The following DLC1 variants were observed in gnomAD, a reference collection of about 807,000 sequenced individuals.
DLC1 encodes DLC1 Rho GTPase activating protein, also known as rho GTPase-activating protein 7.
A neutral mutation model predicts 140.3 loss-of-function variants in DLC1; 54 were observed. The observed-to-expected ratio is 0.38, with a 90% confidence interval of 0.31 to 0.48. DLC1 has a LOEUF of 0.48. Ranked by LOEUF, DLC1 falls within the 20% of genes least tolerant of loss-of-function variation. The pLI, the probability that DLC1 is intolerant of heterozygous loss-of-function variation, is 0.96. For missense variants in DLC1, 2,536 were observed against 1,907.0 expected, an observed-to-expected ratio of 1.33 and a Z score of -6.14; for synonymous variants, 986 against 728.1, an observed-to-expected ratio of 1.35 and a Z score of -5.70.
intron 2 of DLC1, among the ~76,000 whole-genome samples, chr8:13,444,325 G>A (rs1322427776): frequency 2.0e-5 from 3 of 152,172 alleles, no homozygotes; most frequent in Non-Finnish European, 4.4e-5. Flanking sequence ...GGGAGGGATA[G>A]CATTAGGAGA....
At chr8:13,458,845 G>T (rs1799530964) in intron 2 of DLC1, among the ~76,000 whole-genome samples, 1 of 151,014 alleles carries the variant, frequency 6.6e-6, no homozygotes, top group Admixed American at 6.6e-5. Context: ...AAAAAAAGAT[G>T]CGCTTATGAC....
At chr8:13,378,494 C>T (rs894060326) in intron 4 of DLC1, among the ~76,000 whole-genome samples, 2 of 151,812 alleles carry the variant, frequency 1.3e-5, no homozygotes, top group East Asian at 1.9e-4. Context: ...CATTCTTGTG[C>T]ACTATAAATT....
chr8:13,371,860 A>C (rs1376857530), intron 4 of DLC1, among the ~76,000 whole-genome samples: 1 of 152,172 alleles, frequency 6.6e-6, no homozygotes, highest in Non-Finnish European at 1.5e-5. Flanking sequence ...GCACTCACTC[A>C]ATAATTATTG....
At chr8:13,409,802 G>A (rs941064709) in intron 2 of DLC1, among the ~76,000 whole-genome samples, 8 of 152,022 alleles carry the variant, frequency 5.3e-5, no homozygotes, top group Non-Finnish European at 4.4e-5. Flanking sequence ...TTTCAATAGC[G>A]GCAGATTGTC....
At chr8:13,122,082 C>T (rs1821129625) in intron 5 of DLC1, among the ~76,000 whole-genome samples, 1 of 152,204 alleles carries the variant, frequency 6.6e-6, no homozygotes, top group Non-Finnish European at 1.5e-5. Context: ...CCTCACCCCT[C>T]CCTGCCCCCA....
Position 13,575,412 on chromosome 8 carries a change from G to A in DLC1, c.-126+29125C>T, listed in dbSNP as rs117110134. Among the ~76,000 whole-genome samples, 747 of 152,120 alleles carry A rather than the reference G, an allele frequency of 4.9e-3. 6 individuals are homozygous for A. Among genetic ancestry groups the A allele is most frequent in the South Asian group, 0.014 (68 of 4,826 alleles). Reference sequence around the variant, plus strand: ...GGCTTGAAGGTGAGGAAAGAGACTAGCATGGCTTTTATTATAATTAGGGGG... The same window carrying A: ...GGCTTGAAGGTGAGGAAAGAGACTAACATGGCTTTTATTATAATTAGGGGG... On this transcript the variant is annotated intron_variant, in intron 1 of 1. Coordinates refer to the DLC1 transcript ENST00000631382.
At chr8:13,491,583 C>T (rs566356548) in intron 2 of DLC1, among the ~76,000 whole-genome samples, 7 of 152,296 alleles carry the variant, frequency 4.6e-5, no homozygotes, top group East Asian at 3.9e-4. Flanking sequence ...TAAGTATCTT[C>T]GGGATAACAT....
chr8:13,145,085 A>G (rs1823316728), intron 5 of DLC1, among the ~76,000 whole-genome samples: 1 of 152,198 alleles, frequency 6.6e-6, no homozygotes, highest in Non-Finnish European at 1.5e-5. Context: ...AAAGTACTAA[A>G]TATCTCATGA....
chr8:13,128,421 C>CT (rs1270422041), intron 5 of DLC1, among the ~76,000 whole-genome samples: 1 of 152,186 alleles, frequency 6.6e-6, no homozygotes, highest in East Asian at 1.9e-4. Context: ...TTCCTGCACT[C>CT]TAACATTACA....
intron 5 of DLC1, among the ~76,000 whole-genome samples, chr8:13,182,254 C>T (rs1286792934): frequency 6.6e-6 from 1 of 151,654 alleles, no homozygotes; most frequent in African/African-American, 2.4e-5. Context: ...CAAAAATTTT[C>T]TCTTATTCTG....
chr8:13,285,218 G>A (rs1586070673), intron 5 of DLC1, among the ~76,000 whole-genome samples: 2 of 152,144 alleles, frequency 1.3e-5, no homozygotes, highest in South Asian at 4.1e-4. Flanking sequence ...GATTCCAGAA[G>A]TAGATCCATA....
intron 5 of DLC1, among the ~76,000 whole-genome samples, chr8:13,240,125 G>A (rs572055794): frequency 5.9e-5 from 9 of 152,070 alleles, no homozygotes; most frequent in South Asian, 2.1e-4. Context: ...AAACTTCAGC[G>A]TACTGTGGAA....
At chr8:13,532,578 TTC>T (rs61307108) in intron 1 of DLC1, among the ~76,000 whole-genome samples, 25 of 149,532 alleles carry the variant, frequency 1.7e-4, no homozygotes, top group South Asian at 4.2e-4. Flanking sequence ...CTCTCTCTCT[TTC>T]TCTCTCTCTC....
At chr8:13,537,649 T>A in intron 1 of DLC1, among the ~76,000 whole-genome samples, 1 of 37,130 alleles carries the variant, frequency 2.7e-5, no homozygotes, top group South Asian at 1.2e-3. Flanking sequence ...CAGCTAACTC[T>A]TTTTTTTTTT....
intron 1 of DLC1, among the ~76,000 whole-genome samples, chr8:13,554,331 G>C (rs1385696189): frequency 1.3e-5 from 2 of 152,128 alleles, no homozygotes; most frequent in Non-Finnish European, 2.9e-5. Flanking sequence ...CTCCCAAAAT[G>C]CTGGGATTAC....
intron 2 of DLC1, among the ~76,000 whole-genome samples, chr8:13,424,071 G>A (rs955154894): frequency 6.6e-6 from 1 of 152,080 alleles, no homozygotes; most frequent in Non-Finnish European, 1.5e-5. Context: ...AATTTTAAGG[G>A]GGTGTTTCCT....
At chr8:13,275,045 T>C (rs1831104633) in intron 5 of DLC1, among the ~76,000 whole-genome samples, 2 of 152,178 alleles carry the variant, frequency 1.3e-5, no homozygotes, top group Admixed American at 1.3e-4. Flanking sequence ...CTCTAAACAA[T>C]AATAAAATGG....
At chr8:13,496,154 CAT>C (rs1214801228) in intron 2 of DLC1, among the ~76,000 whole-genome samples, 3 of 152,138 alleles carry the variant, frequency 2.0e-5, no homozygotes, top group Non-Finnish European at 2.9e-5. Context: ...AAATGTGGCA[CAT>C]GTGTGCCTCC....
chr8:13,333,123 C>A (rs1356579296), intron 4 of DLC1, among the ~76,000 whole-genome samples: 1 of 151,992 alleles, frequency 6.6e-6, no homozygotes, highest in Non-Finnish European at 1.5e-5. Context: ...ATTATTTTTT[C>A]TTTGTCCTTA....
Sources: allele counts gnomAD v4.1 joint callset (sites outside exome capture counted in the v4.1 genomes callset), GRCh38; gene constraint gnomAD v4.1.1; transcripts MANE v1.5; gene names NCBI Gene and HGNC (gene_info 2026-07-23, HGNC 2026-07-21).